Variants in GRIA4 observed in about 807,000 individuals in gnomAD.
GRIA4 encodes glutamate receptor 4.
GRIA4 carries 34 observed loss-of-function variants against 104.0 expected under a neutral mutation model. The ratio of observed to expected loss-of-function variants is 0.33; its 90% confidence interval spans 0.25 to 0.44. The LOEUF (loss-of-function observed/expected upper bound fraction) is 0.44. Ranked by LOEUF, GRIA4 falls within the 20% of genes least tolerant of loss-of-function variation. The pLI is 1.00. For synonymous variants in GRIA4, 386 were observed against 381.9 expected, an observed-to-expected ratio of 1.01 and a Z score of -0.13; for missense variants, 750 against 1,096.5, an observed-to-expected ratio of 0.68 and a Z score of 4.46.
At chr11:105,624,354 C>T (rs182388589) in intron 3 of GRIA4, among the ~76,000 whole-genome samples, 3 of 152,130 alleles carry the variant, frequency 2.0e-5, no homozygotes, top group Non-Finnish European at 4.4e-5. Flanking sequence ...AGGAGAAAGC[C>T]CTTTTGGGAA....
chr11:105,725,754 G>A (rs1938162465), intron 3 of GRIA4, among the ~76,000 whole-genome samples: 2 of 152,054 alleles, frequency 1.3e-5, no homozygotes, highest in Non-Finnish European at 2.9e-5. Flanking sequence ...GCAAGCTGAA[G>A]CAGGATGAGG....
At chr11:105,753,952 C>T (rs1373853965) in intron 4 of GRIA4, among the ~76,000 whole-genome samples, 1 of 152,116 alleles carries the variant, frequency 6.6e-6, no homozygotes, top group Non-Finnish European at 1.5e-5. Context: ...GTTCAGCCAT[C>T]CGGAAGCCCT....
intron 9 of GRIA4, among the ~76,000 whole-genome samples, 171 bp downstream of exon 9, chr11:105,905,472 A>T (rs1479174493): frequency 6.6e-6 from 1 of 152,202 alleles, no homozygotes; most frequent in African/African-American, 2.4e-5. Context: ...TGTGTCATGT[A>T]ATTGTATTTA....
intron 3 of GRIA4, among the ~76,000 whole-genome samples, chr11:105,634,184 T>C (rs1422523172): frequency 6.6e-6 from 1 of 151,592 alleles, no homozygotes; most frequent in East Asian, 1.9e-4. Context: ...CCGACTCTAC[T>C]AAAAATACAA....
chr11:105,688,554 C>T (rs1237140342), intron 3 of GRIA4, among the ~76,000 whole-genome samples: 1 of 151,920 alleles, frequency 6.6e-6, no homozygotes, highest in African/African-American at 2.4e-5. Context: ...CAGAGTGAGA[C>T]TCCGTCTCAA....
intron 4 of GRIA4, among the ~76,000 whole-genome samples, chr11:105,785,598 C>T (rs1033321732): frequency 6.6e-6 from 1 of 152,102 alleles, no homozygotes; most frequent in Admixed American, 6.6e-5. Context: ...AACCATGGTC[C>T]TTCCCATGGG....
intron 14 of GRIA4, among the ~76,000 whole-genome samples, chr11:105,946,870 A>T (rs1009165122): frequency 6.6e-6 from 1 of 152,194 alleles, no homozygotes; most frequent in Non-Finnish European, 1.5e-5. Flanking sequence ...AATTCAGGCA[A>T]TTTGTTGCCA....
intron 7 of GRIA4, among the ~76,000 whole-genome samples, chr11:105,899,361 A>C (rs1331325507): frequency 6.6e-6 from 1 of 152,212 alleles, no homozygotes; most frequent in East Asian, 1.9e-4. Flanking sequence ...TTGATTTTAC[A>C]GATAAATACA....
chr11:105,911,787 TATATATA>T, intron 10 of GRIA4: 1 of 167,780 alleles, frequency 6.0e-6, no homozygotes, highest in Non-Finnish European at 1.2e-5. Flanking sequence ...TATATATATA[TATATATA>T]TATATATATA....
chr11:105,870,760 C>T (rs192607650), intron 5 of GRIA4, among the ~76,000 whole-genome samples: 114 of 152,142 alleles, frequency 7.5e-4, no homozygotes, highest in African/African-American at 2.6e-3. Context: ...TATGAGTGGC[C>T]TCATGGGCTT....
intron 14 of GRIA4, among the ~76,000 whole-genome samples, chr11:105,934,999 G>A (rs1332814412): frequency 6.6e-6 from 1 of 152,170 alleles, no homozygotes; most frequent in Admixed American, 6.5e-5. Context: ...CCATTGAAAA[G>A]TGAAGGTAAT....
At chr11:105,863,588 C>T (rs1364003891) in intron 5 of GRIA4, among the ~76,000 whole-genome samples, 1 of 152,122 alleles carries the variant, frequency 6.6e-6, no homozygotes, top group Non-Finnish European at 1.5e-5. Flanking sequence ...AGCAATACAG[C>T]CACTTTACCT....
chr11:105,876,043 G>C (rs1014368791), intron 5 of GRIA4, among the ~76,000 whole-genome samples: 2 of 151,994 alleles, frequency 1.3e-5, no homozygotes, highest in Non-Finnish European at 2.9e-5. Context: ...TTTCTCCTGT[G>C]GGCATTTAGT....
At chr11:105,739,026 ACCTT>A (rs1195225115) in intron 3 of GRIA4, among the ~76,000 whole-genome samples, 1 of 151,296 alleles carries the variant, frequency 6.6e-6, no homozygotes, top group Non-Finnish European at 1.5e-5. Context: ...CTTTTCTCTC[ACCTT>A]CCTTCCTTCC....
chr11:105,643,699 T>A (rs1045524767), intron 3 of GRIA4, among the ~76,000 whole-genome samples: 1 of 152,026 alleles, frequency 6.6e-6, no homozygotes, highest in Non-Finnish European at 1.5e-5. Flanking sequence ...GGTTTTTAAA[T>A]TTTTTTTGGT....
intron 4 of GRIA4, among the ~76,000 whole-genome samples, chr11:105,860,784 C>A (rs1424111022): frequency 1.3e-5 from 2 of 151,806 alleles, no homozygotes; most frequent in Non-Finnish European, 2.9e-5. Flanking sequence ...TATGGTAAAA[C>A]CCTGGCTCTA....
At chr11:105,625,149 A>T (rs919694879) in intron 3 of GRIA4, among the ~76,000 whole-genome samples, 1 of 152,110 alleles carries the variant, frequency 6.6e-6, no homozygotes, top group Non-Finnish European at 1.5e-5. Flanking sequence ...AGACATATAT[A>T]GACAGATAGA....
intron 6 of GRIA4, among the ~76,000 whole-genome samples, chr11:105,887,873 A>G (rs1565317257): frequency 6.6e-6 from 1 of 152,238 alleles, no homozygotes; most frequent in East Asian, 1.9e-4. Flanking sequence ...GCTACTTTAT[A>G]GACAAAGATA....
chr11:105,724,428 T>C (rs1458766678), intron 3 of GRIA4, among the ~76,000 whole-genome samples: 2 of 122,320 alleles, frequency 1.6e-5, no homozygotes, highest in African/African-American at 3.0e-5. Flanking sequence ...CACACACACA[T>C]TGGAATACTA....
Sources: gnomAD v4.1 joint callset for allele counts (sites outside exome capture counted in the v4.1 genomes callset) on GRCh38, gnomAD v4.1.1 for gene constraint, MANE v1.5 for transcripts, NCBI Gene and HGNC (gene_info 2026-07-23, HGNC 2026-07-21) for gene names.